TTC28: variants seen among roughly 807,000 people sequenced by gnomAD.
TTC28 encodes tetratricopeptide repeat domain 28.
A neutral mutation model predicts 198.0 loss-of-function variants in TTC28; 61 were observed. The observed-to-expected ratio is 0.31, with a 90% CI of 0.25 to 0.38. TTC28 has a LOEUF of 0.38. TTC28 is among the 10% of genes least tolerant of loss of function. The probability of loss-of-function intolerance (pLI) is 1.00; values close to 1 mark genes in which losing one functional copy is unlikely to be tolerated. For synonymous variants in TTC28, 1,171 were observed against 1,297.8 expected (o/e 0.90, Z 2.10); for missense variants, 2,678 against 3,164.0 (o/e 0.85, Z 3.69).
chr22:28,306,245 G>T (rs2045143210), intron 3 of TTC28, among the ~76,000 whole-genome samples: 2 of 152,250 alleles, frequency 1.3e-5, no homozygotes, highest in South Asian at 4.1e-4. Flanking sequence ...CTGTCATACA[G>T]TTAGTTAATG....
chr22:28,265,466 G>A (rs1210194377), intron 5 of TTC28, among the ~76,000 whole-genome samples: 1 of 152,134 alleles, frequency 6.6e-6, no homozygotes, highest in African/African-American at 2.4e-5. Flanking sequence ...CTGCAAAGTA[G>A]AGGCAATATC....
chr22:28,178,301 CAAAAA>C (rs71194755), intron 5 of TTC28, among the ~76,000 whole-genome samples: 6 of 137,252 alleles, frequency 4.4e-5, no homozygotes, highest in Non-Finnish European at 7.7e-5. Context: ...CTAATAAATA[CAAAAA>C]AAAAAAAAAA....
chr22:28,368,348 C>T (rs1259633663), intron 2 of TTC28, among the ~76,000 whole-genome samples: 1 of 152,104 alleles, frequency 6.6e-6, no homozygotes, highest in Non-Finnish European at 1.5e-5. Flanking sequence ...TTCAACGTCC[C>T]TTCATGATAA....
chr22:28,399,320 T>G (rs1717321184), intron 2 of TTC28, among the ~76,000 whole-genome samples: 1 of 146,202 alleles, frequency 6.8e-6, no homozygotes, highest in Admixed American at 6.7e-5. Flanking sequence ...TAAAACTGTT[T>G]TTTTTTTTTT....
At chr22:28,346,879 GA>G (rs2045910608) in intron 2 of TTC28, among the ~76,000 whole-genome samples, 1 of 152,052 alleles carries the variant, frequency 6.6e-6, no homozygotes, top group Admixed American at 6.6e-5. Flanking sequence ...AATCAAAGGG[GA>G]AAAAATTGTC....
chr22:28,514,918 A>T (rs1019621833), intron 2 of TTC28, among the ~76,000 whole-genome samples: 1 of 152,212 alleles, frequency 6.6e-6, no homozygotes, highest in Non-Finnish European at 1.5e-5. Context: ...CCTATCCCCT[A>T]ATAAATAAAA....
chr22:28,576,397 G>A (rs771297737), intron 2 of TTC28, among the ~76,000 whole-genome samples: 8 of 151,988 alleles, frequency 5.3e-5, no homozygotes, highest in Non-Finnish European at 1.0e-4. Flanking sequence ...ATTTGGGTGA[G>A]GATTTTTGCA....
In TTC28 at chr22:27,982,692, G is replaced by A. The variant is rs1396596151; in HGVS notation, c.6975C>T (p.Ser2325=). The change falls in exon 23 of 23, where the codon TCC becomes TCT. Residue 2325 remains serine (S), a synonymous_variant. Coordinates refer to ENST00000397906, the MANE Select transcript of TTC28 (RefSeq NM_001145418.2). The surrounding 1 kb of genome is among the most constrained non-coding windows in gnomAD (Gnocchi z 5.2). The part of the protein sequence containing the change: ...PAGSAPSPAL[S]YSSAGSARSS... The stretch of plus-strand genomic sequence containing the variant: ...AGCGAGCAGATCCAGCTGAGGAGTA[G>A]GAGAGAGCTGGGGAGGGTGCACTGC... 5 of 1,551,748 alleles carry A rather than the reference G, an allele frequency of 3.2e-6. No individual in the cohort carries two copies. The East Asian group carries it at 1.2e-4, about 38-fold the overall frequency.
In TTC28 at chr22:28,590,034, C is replaced by CAAAAAAAAAAA. The variant is rs71194779; in HGVS notation, c.381+39507_381+39517dup. 4.1e-3 allele frequency among the ~76,000 whole-genome samples: 280 copies of CAAAAAAAAAAA among 68,010 alleles called. 7 individuals carry two copies. The highest frequency in any genetic ancestry group is 0.01 in the African/African-American group (98 of 9,742). The allele number at this position is 68,010 out of a possible 152,430, so 44.6% of individuals were successfully genotyped here. A position where few individuals can be genotyped will look rare whatever the true frequency, so the allele number is the denominator to read the frequency against. ...CCTGGGCAACAGAACAAGACTCCAT[C>CAAAAAAAAAAA]AAAAAAAAAAAAAAAAAAAAAAAAA... On this transcript the variant is annotated intron_variant, in intron 2 of 22. Coordinates refer to ENST00000397906, the MANE Select transcript of TTC28 (RefSeq NM_001145418.2).
chr22:28,493,402 T>C (rs2048406073), intron 2 of TTC28, among the ~76,000 whole-genome samples: 2 of 152,098 alleles, frequency 1.3e-5, no homozygotes, highest in South Asian at 2.1e-4. Context: ...CTGCTCCCCT[T>C]TGAAGGATGT....
chr22:28,189,321 A>G (rs1311500571), intron 5 of TTC28, among the ~76,000 whole-genome samples: 1 of 152,232 alleles, frequency 6.6e-6, no homozygotes, highest in Non-Finnish European at 1.5e-5. Flanking sequence ...GCATAAAATA[A>G]TACATGAAGT....
At chr22:28,006,062 T>C (rs1309197693) in intron 14 of TTC28, among the ~76,000 whole-genome samples, 3 of 152,174 alleles carry the variant, frequency 2.0e-5, no homozygotes, top group Non-Finnish European at 4.4e-5. Flanking sequence ...CAGGAAGGGA[T>C]GCTGCATGCT....
chr22:28,310,173 C>CACACACACACACACACAA (rs1340546067), intron 2 of TTC28, among the ~76,000 whole-genome samples: 4 of 94,358 alleles, frequency 4.2e-5, no homozygotes, highest in African/African-American at 1.8e-4. Flanking sequence ...CACACACACA[C>CACACACACACACACACAA]AAAAAACAAG....
At chr22:28,036,409 T>C (rs1939348109) in intron 12 of TTC28, among the ~76,000 whole-genome samples, 1 of 152,194 alleles carries the variant, frequency 6.6e-6, no homozygotes. Context: ...AACCTGCTCC[T>C]GAATGATTAC....
chr22:28,564,424 C>T (rs1005451191), intron 2 of TTC28, among the ~76,000 whole-genome samples: 2 of 152,090 alleles, frequency 1.3e-5, no homozygotes, highest in African/African-American at 2.4e-5. Flanking sequence ...ATTTTAGTGA[C>T]TTTTCCACCA....
At chr22:28,588,793 C>G (rs1416526292) in intron 2 of TTC28, among the ~76,000 whole-genome samples, 1 of 152,176 alleles carries the variant, frequency 6.6e-6, no homozygotes, top group Non-Finnish European at 1.5e-5. Flanking sequence ...ATCAGAATCT[C>G]GAGTACTACT....
intron 5 of TTC28, among the ~76,000 whole-genome samples, chr22:28,201,774 G>A (rs1925970408): frequency 6.7e-6 from 1 of 149,120 alleles, no homozygotes; most frequent in Non-Finnish European, 1.5e-5. Context: ...AAAAAAGAGG[G>A]GAGCCAGTGT....
At chr22:28,251,515 G>A (rs1479344104) in intron 5 of TTC28, among the ~76,000 whole-genome samples, 3 of 152,140 alleles carry the variant, frequency 2.0e-5, no homozygotes, top group Non-Finnish European at 1.5e-5. Flanking sequence ...GGAAATGTGA[G>A]AACTGGAGTC....
At chr22:28,534,749 C>T (rs981237392) in intron 2 of TTC28, among the ~76,000 whole-genome samples, 4 of 152,146 alleles carry the variant, frequency 2.6e-5, no homozygotes, top group African/African-American at 9.7e-5. Flanking sequence ...AAGATGAGTT[C>T]ATGTCCTTTG....
Sources: gnomAD v4.1 joint callset for allele counts (sites outside exome capture counted in the v4.1 genomes callset) on GRCh38, gnomAD v4.1.1 for gene constraint, Gnocchi (gnomAD v3.1) non-coding constraint, MANE v1.5 for transcripts, NCBI Gene and HGNC (gene_info 2026-07-23, HGNC 2026-07-21) for gene names.